ANKRD6: variants seen among roughly 807,000 people sequenced by gnomAD.
ANKRD6 encodes the protein ankyrin repeat domain 6.
Under a neutral mutation model 82.3 loss-of-function variants are expected in ANKRD6, and 56 were observed. That is an observed-to-expected ratio of 0.68 (90% CI 0.55 to 0.85). The LOEUF (loss-of-function observed/expected upper bound fraction) is 0.85, where lower values mean the gene tolerates loss of function less well. Among genes scored for constraint, ANKRD6 ranks in the 40% least tolerant of loss-of-function variants. The pLI is 0.00. For missense variants in ANKRD6, 852 were observed against 907.6 expected (o/e 0.94, Z 0.79); for synonymous variants, 347 against 352.1 (o/e 0.99, Z 0.16).
At chr6:89,503,824 C>T (rs1272190018) in intron 1 of ANKRD6, among the ~76,000 whole-genome samples, 1 of 152,072 alleles carries the variant, frequency 6.6e-6, no homozygotes, top group Admixed American at 6.5e-5. Flanking sequence ...AAGAGCATTC[C>T]TTGTAGAGGG....
At chr6:89,537,029 C>T (rs912508413) in intron 1 of ANKRD6, among the ~76,000 whole-genome samples, 13 of 151,772 alleles carry the variant, frequency 8.6e-5, no homozygotes, top group African/African-American at 2.9e-4. Context: ...GATACTTGTA[C>T]GAAAATATAC....
intron 1 of ANKRD6, among the ~76,000 whole-genome samples, chr6:89,454,630 G>A (rs2127960898): frequency 6.6e-6 from 1 of 152,342 alleles, no homozygotes; most frequent in African/African-American, 2.4e-5. Context: ...AGTGTGGTAA[G>A]TAAAATTTGA....
At chr6:89,581,202 C>T (rs1792441859) in intron 2 of ANKRD6, among the ~76,000 whole-genome samples, 1 of 152,178 alleles carries the variant, frequency 6.6e-6, no homozygotes, top group Non-Finnish European at 1.5e-5. Context: ...TAACCAATCC[C>T]CTATTGATGG....
chr6:89,574,574 G>A (rs929529183), intron 2 of ANKRD6, among the ~76,000 whole-genome samples: 6 of 152,222 alleles, frequency 3.9e-5, no homozygotes, highest in Non-Finnish European at 8.8e-5. Context: ...GGGGAATAAT[G>A]TTATTGACTG....
intron 1 of ANKRD6, among the ~76,000 whole-genome samples, chr6:89,566,194 T>G (rs919658814): frequency 5.9e-5 from 9 of 152,264 alleles, no homozygotes; most frequent in African/African-American, 2.2e-4. Context: ...GCATCTGTGT[T>G]GTCCCCAAGG....
intron 2 of ANKRD6, among the ~76,000 whole-genome samples, chr6:89,577,957 A>G (rs892634883): frequency 3.3e-5 from 5 of 152,238 alleles, no homozygotes; most frequent in African/African-American, 4.8e-5. Flanking sequence ...ATTCATCTCC[A>G]TTTGATACCT....
chr6:89,562,493 T>G (rs557774451), intron 1 of ANKRD6: 3 of 152,372 alleles, frequency 2.0e-5, no homozygotes, highest in African/African-American at 4.8e-5. Flanking sequence ...GCTGAAATTA[T>G]GCAAACTTCG....
chr6:89,495,251 A>G (rs1778467090), intron 1 of ANKRD6, among the ~76,000 whole-genome samples: 1 of 152,124 alleles, frequency 6.6e-6, no homozygotes, highest in African/African-American at 2.4e-5. Flanking sequence ...ACAAAACAAA[A>G]CAAAACAAAA....
chr6:89,524,934 G>T (rs1782289271), intron 1 of ANKRD6, among the ~76,000 whole-genome samples: 1 of 151,672 alleles, frequency 6.6e-6, no homozygotes. Flanking sequence ...GCAGGAGTAA[G>T]GTGGTATCTG....
intron 1 of ANKRD6, among the ~76,000 whole-genome samples, chr6:89,444,688 C>T (rs1314313866): frequency 6.6e-6 from 1 of 152,136 alleles, no homozygotes; most frequent in Non-Finnish European, 1.5e-5. Flanking sequence ...TATTTAAGGG[C>T]TGGGCGCGGT....
chr6:89,507,805 A>G (rs1228749373), intron 1 of ANKRD6, among the ~76,000 whole-genome samples: 2 of 152,328 alleles, frequency 1.3e-5, no homozygotes, highest in East Asian at 3.9e-4. Context: ...TAAAATATAT[A>G]TAGTAAATGC....
At chr6:89,627,515 G>A (rs1563160169) in intron 13 of ANKRD6, 68 bp from the exon 14 acceptor site, 11 of 1,467,478 alleles carry the variant, frequency 7.5e-6, no homozygotes, top group South Asian at 1.2e-5. Flanking sequence ...CCCCTCTGCA[G>A]GAGCTGAGAA....
chr6:89,488,865 G>GATCTATTCT (rs1480279142), intron 1 of ANKRD6, among the ~76,000 whole-genome samples: 3 of 104,184 alleles, frequency 2.9e-5, no homozygotes, highest in African/African-American at 1.1e-4. Context: ...AAAATATATC[G>GATCTATTCT]ATCTATTCTA....
chr6:89,608,354 T>TACACACACAC (rs540574068), intron 5 of ANKRD6, among the ~76,000 whole-genome samples: 2 of 137,382 alleles, frequency 1.5e-5, no homozygotes, highest in African/African-American at 5.7e-5. Context: ...CCCTCCCTAA[T>TACACACACAC]ACACACACAC....
chr6:89,624,110 T>C, intron 12 of ANKRD6, 53 bp downstream of exon 12: 2 of 1,527,628 alleles, frequency 1.3e-6, no homozygotes, highest in Non-Finnish European at 1.8e-6. Flanking sequence ...AGCAAGGGTT[T>C]TTGTTTAACG....
intron 1 of ANKRD6, among the ~76,000 whole-genome samples, chr6:89,531,203 T>C (rs1406496623): frequency 1.3e-5 from 2 of 152,208 alleles, no homozygotes; most frequent in Admixed American, 6.5e-5. Flanking sequence ...CGAGCCAAAG[T>C]GCGGATCTGT....
chr6:89,437,889 G>A (rs1167033391), intron 1 of ANKRD6, among the ~76,000 whole-genome samples: 1 of 152,104 alleles, frequency 6.6e-6, no homozygotes, highest in Non-Finnish European at 1.5e-5. Flanking sequence ...TGCCTCCTGG[G>A]CTCAAAGCCA....
intron 1 of ANKRD6, among the ~76,000 whole-genome samples, chr6:89,450,292 CAG>C (rs1772649059): frequency 6.6e-6 from 1 of 151,040 alleles, no homozygotes; most frequent in Non-Finnish European, 1.5e-5. Flanking sequence ...AGCCTCGCGA[CAG>C]AGTGAGACTC....
In ANKRD6 at chr6:89,630,747, G is replaced by A. The variant is rs370643391; in HGVS notation, c.1927G>A (p.Gly643Arg). The stretch of plus-strand genomic sequence containing the variant: ...GCAACCCGCAGCCAGCAGCACCTGT[G>A]GGCAGCCGCCACCAGCCACAGGCAG... The part of the protein sequence containing the change: ...AQQPAASSTC[G>R]QPPPATGSEQ... The change falls in exon 16 of 16, where the codon GGG (glycine) becomes AGG (arginine). Residue 643 changes from glycine to arginine, a missense_variant. By Grantham distance (125) the Gly-to-Arg change is moderately radical (BLOSUM62 -2). Coordinates refer to ENST00000339746, the MANE Select transcript of ANKRD6 (RefSeq NM_001242809.2). 7 of 1,613,696 alleles carry A rather than the reference G, an allele frequency of 4.3e-6. No individual in the cohort carries two copies. In the African/African-American group the frequency reaches 9.3e-5, roughly 22 times the overall value.
Sources: allele counts gnomAD v4.1 joint callset (sites outside exome capture counted in the v4.1 genomes callset), GRCh38; gene constraint gnomAD v4.1.1; transcripts MANE v1.5; gene names NCBI Gene and HGNC (gene_info 2026-07-23, HGNC 2026-07-21).